ATP2B2: variants seen among roughly 807,000 people sequenced by gnomAD.
ATP2B2 encodes the protein plasma membrane calcium-transporting ATPase 2.
ATP2B2 carries 15 observed loss-of-function variants against 120.0 expected under a neutral mutation model. The observed-to-expected ratio is 0.12, with a 90% CI of 0.08 to 0.19. The LOEUF (loss-of-function observed/expected upper bound fraction) is 0.19. Among genes scored for constraint, ATP2B2 ranks in the 10% least tolerant of loss-of-function variants. The pLI is 1.00. For synonymous variants in ATP2B2, 694 were observed against 700.3 expected (o/e 0.99, Z 0.14); for missense variants, 1,045 against 1,719.8 (o/e 0.61, Z 6.94).
At chr3:10,520,696 T>C (rs945870068) in intron 3 of ATP2B2, among the ~76,000 whole-genome samples, 2 of 152,050 alleles carry the variant, frequency 1.3e-5, no homozygotes, top group Non-Finnish European at 2.9e-5. Context: ...TCTCAAGTGA[T>C]CTGCCTGCCT....
At position 10,340,193 on chromosome 3, in the gene ATP2B2, C is replaced by A; in HGVS notation, c.3237+49G>T. The A allele has an allele frequency of 6.4e-7, 1 of 1,570,542 alleles. No homozygotes were observed. Among genetic ancestry groups the A allele is most frequent in the Non-Finnish European group, 8.7e-7 (1 of 1,143,732 alleles). ...TCCTGGATTCTCCATCCAGTGCTGT[C>A]TCCCTTGCCCTGCTAACAGGCACCT... On this transcript the variant is annotated intron_variant, in intron 21 of 22. Coordinates refer to ENST00000360273, the MANE Select transcript of ATP2B2 (RefSeq NM_001001331.4). This position sits in a 1 kb window ranked among gnomAD's most constrained non-coding sequence, Gnocchi z 5.0.
At chr3:10,462,305 G>A (rs1466132158) in intron 1 of ATP2B2, among the ~76,000 whole-genome samples, 4 of 152,128 alleles carry the variant, frequency 2.6e-5, no homozygotes, top group Non-Finnish European at 5.9e-5. Flanking sequence ...GGCCACTCTT[G>A]ACTCTAATCC....
At chr3:10,341,508 T>A (rs1240331512) in intron 19 of ATP2B2, among the ~76,000 whole-genome samples, 1 of 152,040 alleles carries the variant, frequency 6.6e-6, no homozygotes, top group African/African-American at 2.4e-5. Context: ...ATGGGGTTTC[T>A]CCATGTTGGC....
At chr3:10,492,198 G>A (rs185632681) in intron 1 of ATP2B2, among the ~76,000 whole-genome samples, 115 of 152,112 alleles carry the variant, frequency 7.6e-4, no homozygotes, top group African/African-American at 2.7e-3. Context: ...CACAGTAATT[G>A]CTGGCTTCTC....
At chr3:10,349,014 A>G (rs1460648783) in intron 16 of ATP2B2, among the ~76,000 whole-genome samples, 2 of 152,234 alleles carry the variant, frequency 1.3e-5, no homozygotes, top group Non-Finnish European at 2.9e-5. Context: ...CCTTTGAAAG[A>G]GGAATCCAAG....
chr3:10,422,446 C>T (rs2063013499), intron 2 of ATP2B2, among the ~76,000 whole-genome samples: 3 of 152,166 alleles, frequency 2.0e-5, no homozygotes, highest in African/African-American at 4.8e-5. Context: ...ACGGTGTTGA[C>T]GGTTCCTGAT....
At chr3:10,537,980 C>T (rs576503151) in intron 2 of ATP2B2, among the ~76,000 whole-genome samples, 8 of 152,282 alleles carry the variant, frequency 5.3e-5, no homozygotes, top group African/African-American at 1.9e-4. Flanking sequence ...CCCTGCATCC[C>T]TTGAATAAAC....
chr3:10,571,908 C>T (rs954666741), intron 2 of ATP2B2, among the ~76,000 whole-genome samples: 1 of 152,202 alleles, frequency 6.6e-6, no homozygotes, highest in Non-Finnish European at 1.5e-5. Flanking sequence ...ATTCCTGAGC[C>T]TCCCCAAAAT....
chr3:10,641,067 G>C (rs1262715835), intron 1 of ATP2B2, among the ~76,000 whole-genome samples: 2 of 152,186 alleles, frequency 1.3e-5, no homozygotes, highest in Non-Finnish European at 2.9e-5. Flanking sequence ...ACTAGCAATT[G>C]AACTCAGGGA....
At chr3:10,623,494 CA>C (rs1388004379) in intron 1 of ATP2B2, among the ~76,000 whole-genome samples, 1 of 152,184 alleles carries the variant, frequency 6.6e-6, no homozygotes, top group Non-Finnish European at 1.5e-5. Flanking sequence ...GGGAAGAAAT[CA>C]GGGGTGGAGG....
At chr3:10,470,998 G>T (rs534918756) in intron 1 of ATP2B2, among the ~76,000 whole-genome samples, 2 of 152,218 alleles carry the variant, frequency 1.3e-5, no homozygotes, top group Admixed American at 6.5e-5. Context: ...AGAACGGGGG[G>T]CCTGGGGGGC....
chr3:10,661,730 A>C (rs2070785881), intron 1 of ATP2B2, among the ~76,000 whole-genome samples: 1 of 152,250 alleles, frequency 6.6e-6, no homozygotes. Flanking sequence ...GACTTTCTTC[A>C]CAGAATTGGA....
chr3:10,665,240 C>T (rs896108292), intron 1 of ATP2B2, among the ~76,000 whole-genome samples: 6 of 152,100 alleles, frequency 3.9e-5, no homozygotes, highest in Non-Finnish European at 8.8e-5. Flanking sequence ...GCACCATGCC[C>T]TTCTTGCTTA....
upstream of ATP2B2, among the ~76,000 whole-genome samples, chr3:10,507,722 A>G (rs7611178): frequency 0.05 from 7,652 of 152,232 alleles, 590 homozygotes; most frequent in African/African-American, 0.17. Context: ...CACACTTTAC[A>G]GTTTGTAAAG....
At chr3:10,394,700 G>A in intron 5 of ATP2B2, 3 of 385,838 alleles carry the variant, frequency 7.8e-6, no homozygotes, top group South Asian at 5.6e-5. Context: ...TGGGATGTGG[G>A]CAGAGTCCCA....
intron 2 of ATP2B2, among the ~76,000 whole-genome samples, chr3:10,569,330 C>A (rs1040418503): frequency 3.3e-5 from 5 of 152,170 alleles, no homozygotes; most frequent in Non-Finnish European, 4.4e-5. Flanking sequence ...GAAGAATTAA[C>A]CCTATTTTGC....
intron 1 of ATP2B2, among the ~76,000 whole-genome samples, chr3:10,482,018 A>G (rs893436022): frequency 1.3e-5 from 2 of 152,078 alleles, no homozygotes; most frequent in Non-Finnish European, 2.9e-5. Flanking sequence ...GGGATGTGGG[A>G]CTTTCAGTGT....
At chr3:10,476,239 G>C (rs1414656870) in intron 1 of ATP2B2, among the ~76,000 whole-genome samples, 1 of 152,208 alleles carries the variant, frequency 6.6e-6, no homozygotes, top group African/African-American at 2.4e-5. Flanking sequence ...TGAAGCCGTG[G>C]AGAGCTTCAG....
At chr3:10,389,647 G>T (rs542301391) in intron 5 of ATP2B2, among the ~76,000 whole-genome samples, 3 of 152,296 alleles carry the variant, frequency 2.0e-5, no homozygotes, top group Admixed American at 1.3e-4. Context: ...GCTTCAGTTT[G>T]GGAATATGAA....
Sources: gnomAD v4.1 joint callset for allele counts (sites outside exome capture counted in the v4.1 genomes callset) on GRCh38, gnomAD v4.1.1 for gene constraint, Gnocchi (gnomAD v3.1) non-coding constraint, MANE v1.5 for transcripts, NCBI Gene and HGNC (gene_info 2026-07-23, HGNC 2026-07-21) for gene names.